SH2D3C: variants seen among roughly 807,000 people sequenced by gnomAD.
SH2D3C encodes the protein SH2 domain-containing protein 3C.
Under a neutral mutation model 75.2 loss-of-function variants are expected in SH2D3C, and 25 were observed. The ratio of observed to expected loss-of-function variants is 0.33; its 90% CI spans 0.24 to 0.46. The LOEUF (loss-of-function observed/expected upper bound fraction) is 0.46. Ranked by LOEUF, SH2D3C falls within the 20% of genes least tolerant of loss-of-function variation. The pLI is 1.00. For missense variants in SH2D3C, 933 were observed against 1,165.3 expected, an observed-to-expected ratio of 0.80 and a Z score of 2.90; for synonymous variants, 450 against 473.7, an observed-to-expected ratio of 0.95 and a Z score of 0.65.
rs573960435 is a variant in SH2D3C, at chr9:127,755,340, CA to C, written c.556-4041del. ...GGGGAGACCCCACCCTCCAGCCGGC[CA>C]GGGGAGGGGAGGGGGCCATTGTTCC... On this transcript the variant is annotated intron_variant, in intron 3 of 11. Transcript: ENST00000314830. The C allele has an allele frequency of 1.7e-5, 11 of 629,482 alleles. No individual in the cohort carries two copies. In the South Asian group the frequency reaches 8.0e-4, roughly 46 times the overall value. 39.0% of individuals were successfully genotyped at this position (629,482 alleles called of 1,614,324 possible). A position where few individuals can be genotyped will look rare whatever the true frequency, so the allele number is the denominator to read the frequency against.
intron 2 of SH2D3C, chr9:127,767,174 G>A: frequency 2.0e-6 from 3 of 1,534,654 alleles, no homozygotes; most frequent in Non-Finnish European, 2.6e-6. Flanking sequence ...CTCAGGACGG[G>A]CGACAGCCTT....
intron 2 of SH2D3C, 82 bp from the exon 3 acceptor site, chr9:127,761,732 C>A (rs906162634): frequency 6.3e-5 from 75 of 1,194,356 alleles, no homozygotes; most frequent in Non-Finnish European, 8.1e-5. Flanking sequence ...TGCCTGGGGC[C>A]AGCACCTGGC....
intron 8 of SH2D3C, 197 bp downstream of exon 8, chr9:127,742,652 T>C (rs369172603): frequency 3.7e-6 from 2 of 535,734 alleles, no homozygotes; most frequent in Non-Finnish European, 3.3e-6. Context: ...AATGCGGAGA[T>C]ACAGGATTCA....
chr9:127,755,376 CCGCCCCCCGCTCCCAGCCCCT>C (rs1845350460), intron 3 of SH2D3C: 1 of 361,264 alleles, frequency 2.8e-6, no homozygotes, highest in Non-Finnish European at 4.6e-6. Flanking sequence ...CTCCCTCCGC[CCGCCCCCCGCTCCCAGCCCCT>C]CGCCCCCCGC....
intron 5 of SH2D3C, among the ~76,000 whole-genome samples, chr9:127,747,860 G>T (rs1026899065): frequency 1.3e-5 from 2 of 152,016 alleles, no homozygotes; most frequent in African/African-American, 2.4e-5. Flanking sequence ...TTCCTAGTCG[G>T]TATCTTCCAC....
At chr9:127,747,086 G>A in intron 6 of SH2D3C, 61 bp downstream of exon 6, 1 of 1,565,820 alleles carries the variant, frequency 6.4e-7, no homozygotes, top group Non-Finnish European at 8.7e-7. Context: ...CCACACATAG[G>A]TGACAGAAGT....
Position 127,738,713 on chromosome 9 carries a change from G to A in SH2D3C, c.*33C>T, listed in dbSNP as rs772880243. On this transcript the variant is annotated 3_prime_UTR_variant, in exon 12 of 12. Coordinates refer to ENST00000314830, the MANE Select transcript of SH2D3C (RefSeq NM_170600.3). This position sits in a 1 kb window ranked among gnomAD's most constrained non-coding sequence, Gnocchi z 5.0. ...TGTGTGCCCCTCTGCCCCTGACGCT[G>A]TCCGCAGCTGCAGAGGGGAAATGTC... is the stretch of plus-strand genomic sequence containing the variant. 6.5e-7 allele frequency: 1 copy of A among 1,540,918 alleles called. No homozygotes were observed. The highest frequency in any genetic ancestry group is 1.2e-5 in the South Asian group (1 of 82,360).
In SH2D3C at chr9:127,754,788, C is replaced by T. The variant is rs749610886; in HGVS notation, c.556-3488G>A. 6.3e-6 allele frequency: 3 copies of T among 476,834 alleles called. No homozygotes were observed. Among genetic ancestry groups the T allele is most frequent in the South Asian group, 1.6e-5 (1 of 64,338 alleles). The allele number at this position is 476,834 out of a possible 1,614,324, so 29.5% of individuals were successfully genotyped here. ...GACGCCGGAGACCCCATCTCCCAGT[C>T]CCCCCTGCCCCAGCTCTCTCCCTCC... On this transcript the variant is annotated intron_variant, in intron 3 of 11. Coordinates refer to ENST00000314830, the MANE Select transcript of SH2D3C (RefSeq NM_170600.3). The surrounding 1 kb of genome is among the most constrained non-coding windows in gnomAD (Gnocchi z 4.4).
In SH2D3C at chr9:127,757,123, T is replaced by A. The variant is rs772594852; in HGVS notation, c.555+4488A>T. Among the ~76,000 whole-genome samples, 332 of 144,456 alleles carry A rather than the reference T, an allele frequency of 2.3e-3. 2 individuals are homozygous for A. The highest frequency in any genetic ancestry group is 3.4e-3 in the Middle Eastern group (1 of 290). 94.8% of individuals were successfully genotyped at this position (144,456 alleles called of 152,430 possible). A position where few individuals can be genotyped will look rare whatever the true frequency, so the allele number is the denominator to read the frequency against. On this transcript the variant is annotated intron_variant, in intron 3 of 11. Transcript: ENST00000314830. ...GGCTAATTTTTTTTTTTTTTTTTTT[T>A]ATAGAGATGGGGTTTCACCATGTTG...
Position 127,756,817 on chromosome 9 carries a change from TG to T in SH2D3C, c.555+4793del, listed in dbSNP as rs201899404. Among the ~76,000 whole-genome samples the T allele has an allele frequency of 2.5e-3, 384 of 151,956 alleles. 8 individuals are homozygous for T. The East Asian group carries it at 0.056, about 22-fold the overall frequency. ...CCTGCCACCATGCCCGCTAATTTTT[TG>T]TATTTTTAGTAGAGACAGGGTTTCA... On this transcript the variant is annotated intron_variant, in intron 3 of 11. Coordinates refer to ENST00000314830, the MANE Select transcript of SH2D3C (RefSeq NM_170600.3).
rs753898347 is a variant in SH2D3C at position 127,741,951 on chromosome 9, G to A, written c.1925C>T (p.Thr642Ile). The A allele has an allele frequency of 6.2e-7, 1 of 1,611,340 alleles. No individual in the cohort carries two copies. The highest frequency in any genetic ancestry group is 8.5e-7 in the Non-Finnish European group (1 of 1,179,150). ...GTCCACGGCCAGCATGATGGACATG[G>A]TGTGGAACCTGTCAGAGCGGCGGGG... Reference protein sequence around the residue: ...LRLDLLERFHTMSIMLAVDIL... With the variant: ...LRLDLLERFHIMSIMLAVDIL... Residue 642 changes from threonine to isoleucine, a missense_variant, in exon 9 of 12, where the codon ACC becomes ATC. Physicochemically the swap from Thr to Ile is moderately conservative, Grantham distance 89. Transcript: ENST00000314830.
intron 8 of SH2D3C, chr9:127,742,568 G>A (rs1182566826): frequency 2.8e-6 from 1 of 360,062 alleles, no homozygotes; most frequent in African/African-American, 2.1e-5. Context: ...GAACAAGGAG[G>A]AGCCCCAGCT....
rs1381777010 is a variant in SH2D3C at position 127,739,037 on chromosome 9, AG to A, written c.2408-117del. 1 of 906,934 alleles carries A rather than the reference AG, an allele frequency of 1.1e-6. No individual in the cohort carries two copies. Among genetic ancestry groups the A allele is most frequent in the Non-Finnish European group, 1.6e-6 (1 of 639,166 alleles). The allele number at this position is 906,934 out of a possible 1,614,324, so 56.2% of individuals were successfully genotyped here. A position where few individuals can be genotyped will look rare whatever the true frequency, so the allele number is the denominator to read the frequency against. The stretch of plus-strand genomic sequence containing the variant: ...CCTCAACTCCGCCAGGGATCCAACA[AG>A]GTTTGTGAATCAACACGACCCTGTA... On this transcript the variant is annotated intron_variant, in intron 11 of 11. Coordinates refer to ENST00000314830, the MANE Select transcript of SH2D3C (RefSeq NM_170600.3). This position sits in a 1 kb window ranked among gnomAD's most constrained non-coding sequence, Gnocchi z 4.3.
chr9:127,744,653 C>T lies in SH2D3C; in HGVS notation c.1711G>A (p.Glu571Lys). Residue 571 changes from glutamate (E) to lysine (K), a missense_variant, in exon 7 of 12, where the codon GAG becomes AAG. Physicochemically the swap from Glu to Lys is moderately conservative, Grantham distance 56. Coordinates refer to ENST00000314830, the MANE Select transcript of SH2D3C (RefSeq NM_170600.3). ...LLIPRDNRPL[E>K]VGLLRKVKEL... ...TTGACCTTGCGCAGAAGGCCCACCT[C>T]CAGTGGCCGGTTATCCCTGGGGATC... The T allele has an allele frequency of 6.2e-7, 1 of 1,614,230 alleles. No individual in the cohort carries two copies. Among genetic ancestry groups the T allele is most frequent in the Non-Finnish European group, 8.5e-7 (1 of 1,180,032 alleles).
chr9:127,754,313 C>A lies in SH2D3C; in HGVS notation c.556-3013G>T, dbSNP rs1406935020. 6.6e-6 allele frequency among the ~76,000 whole-genome samples: 1 copy of A among 152,142 alleles called. No individual in the cohort carries two copies. Among genetic ancestry groups the A allele is most frequent in the Admixed American group, 6.5e-5 (1 of 15,284 alleles). On this transcript the variant is annotated intron_variant, in intron 3 of 11. Coordinates refer to ENST00000314830, the MANE Select transcript of SH2D3C (RefSeq NM_170600.3). This position sits in a 1 kb window ranked among gnomAD's most constrained non-coding sequence, Gnocchi z 4.4. ...GGGAGCGAAGAGCCGACGCGCCTGG[C>A]ATCTCCCAGGGGGCTCAGGGGGCAG...
In SH2D3C at chr9:127,739,913, C is replaced by CT. The variant is rs769691824; in HGVS notation, c.2201-26dup. On this transcript the variant is annotated intron_variant, in intron 10 of 11. Coordinates refer to ENST00000314830, the MANE Select transcript of SH2D3C (RefSeq NM_170600.3). The surrounding 1 kb of genome is among the most constrained non-coding windows in gnomAD (Gnocchi z 4.3). The stretch of plus-strand genomic sequence containing the variant: ...TCTGCAAGGAGAAAGGCAGCAGGCG[C>CT]TTAAAGATCCTGTAGTGCCCCACCA... 248 of 1,493,790 alleles carry CT rather than the reference C, an allele frequency of 1.7e-4. 1 individual carries two copies. The African/African-American group carries it at 3.1e-3, about 19-fold the overall frequency. The allele number at this position is 1,493,790 out of a possible 1,614,324, so 92.5% of individuals were successfully genotyped here.
chr9:127,766,321 C>G (rs533823152), intron 2 of SH2D3C, among the ~76,000 whole-genome samples: 125 of 152,314 alleles, frequency 8.2e-4, no homozygotes, highest in African/African-American at 2.7e-3. Flanking sequence ...TCAGCTTTTC[C>G]CCTGCCCCTG....
Position 127,759,997 on chromosome 9 carries a change from A to AT in SH2D3C, c.555+1613dup, listed in dbSNP as rs1160485141. ...GACTCCGTCTCAAAAAAAAAAAAAAATTTTTTTTTTTTTAAATTAGCAGTG... is the reference window on the plus strand; with the variant it reads ...GACTCCGTCTCAAAAAAAAAAAAAAATTTTTTTTTTTTTTAAATTAGCAGTG... On this transcript the variant is annotated intron_variant, in intron 3 of 11. Coordinates refer to ENST00000314830, the MANE Select transcript of SH2D3C (RefSeq NM_170600.3). 2.1e-3 allele frequency among the ~76,000 whole-genome samples: 314 copies of AT among 147,772 alleles called. 1 individual carries two copies. The highest frequency in any genetic ancestry group is 6.1e-3 in the African/African-American group (245 of 40,206).
chr9:127,761,726 T>A, intron 2 of SH2D3C, 76 bp from the exon 3 acceptor site: 1 of 1,291,272 alleles, frequency 7.7e-7, no homozygotes, highest in Non-Finnish European at 1.1e-6. Flanking sequence ...CCTGCCTGCC[T>A]GGGGCCAGCA....
Sources: allele counts gnomAD v4.1 joint callset (sites outside exome capture counted in the v4.1 genomes callset), GRCh38; gene constraint gnomAD v4.1.1; non-coding constraint Gnocchi (gnomAD v3.1); transcripts MANE v1.5; gene names NCBI Gene and HGNC (gene_info 2026-07-23, HGNC 2026-07-21).